IGFBP5: variants seen among roughly 807,000 people sequenced by gnomAD.
The protein encoded by IGFBP5 is insulin like growth factor binding protein 5, also known as insulin-like growth factor-binding protein 5.
IGFBP5 carries 12 observed loss-of-function variants against 28.0 expected under a neutral mutation model. That is an observed-to-expected ratio of 0.43 (90% CI 0.27 to 0.69). The LOEUF is 0.69. Among genes scored for constraint, IGFBP5 ranks in the 30% least tolerant of loss-of-function variants. The pLI is 0.20. For missense variants in IGFBP5, 344 were observed against 381.6 expected, an observed-to-expected ratio of 0.90 and a Z score of 0.82; for synonymous variants, 152 against 150.2, an observed-to-expected ratio of 1.01 and a Z score of -0.09.
rs555502196 is a variant in IGFBP5 at position 216,675,856 on chromosome 2, C to A, written c.*895G>T. On this transcript the variant is annotated 3_prime_UTR_variant, in exon 4 of 4. Coordinates refer to ENST00000233813, the MANE Select transcript of IGFBP5 (RefSeq NM_000599.4). Reference sequence around the variant, plus strand: ...ATCCTCCCCCACAGAGGCTGCTGCGCTACTTACAAATTGAATTAAATGAGG... The same window carrying A: ...ATCCTCCCCCACAGAGGCTGCTGCGATACTTACAAATTGAATTAAATGAGG... 3.9e-5 allele frequency: 6 copies of A among 151,954 alleles called. No individual in the cohort carries two copies. Among genetic ancestry groups the A allele is most frequent in the Admixed American group, 3.3e-4 (5 of 15,258 alleles). 9.4% of individuals were successfully genotyped at this position (151,954 alleles called of 1,614,324 possible). A position where few individuals can be genotyped will look rare whatever the true frequency, so the allele number is the denominator to read the frequency against.
intron 1 of IGFBP5, among the ~76,000 whole-genome samples, chr2:216,681,315 T>C (rs370401804): frequency 6.6e-6 from 1 of 152,124 alleles, no homozygotes; most frequent in Non-Finnish European, 1.5e-5. Flanking sequence ...ATATGGTGGC[T>C]ACTGAAAGCC....
At chr2:216,680,422 C>CT (rs1310802179) in intron 1 of IGFBP5, among the ~76,000 whole-genome samples, 1 of 152,084 alleles carries the variant, frequency 6.6e-6, no homozygotes, top group African/African-American at 2.4e-5. Flanking sequence ...GAAAGAGAAG[C>CT]TTTTTTGAGA....
intron 1 of IGFBP5, among the ~76,000 whole-genome samples, chr2:216,681,680 T>A (rs1688979585): frequency 6.6e-6 from 1 of 152,184 alleles, no homozygotes; most frequent in African/African-American, 2.4e-5. Flanking sequence ...TGGCTACCTG[T>A]TGGGGGAGGC....
intron 1 of IGFBP5, among the ~76,000 whole-genome samples, chr2:216,693,190 CA>C (rs1559189669): frequency 6.6e-6 from 1 of 151,158 alleles, no homozygotes; most frequent in Admixed American, 6.6e-5. Context: ...TAACTCTTTC[CA>C]AAAAGAAACT....
rs2106228297 is a variant in IGFBP5 at position 216,694,741 on chromosome 2, G to A, written c.35C>T (p.Ala12Val). Residue 12 changes from alanine to valine, a missense_variant, in exon 1 of 4, where the codon GCC becomes GTC. Ala to Val is a moderately conservative substitution (Grantham distance 64, BLOSUM62 0). This residue lies in a region of IGFBP5 where 304 missense variants were observed against 329.2 expected (regional missense o/e 0.92). Transcript: ENST00000233813. This position sits in a 1 kb window ranked among gnomAD's most constrained non-coding sequence, Gnocchi z 5.2. ...VLLTAVLLLLAAYAGPAQSLG... is the reference protein window; with the variant it reads ...VLLTAVLLLLVAYAGPAQSLG... ...GCTCTGGGCCGGCCCCGCATAGGCG[G>A]CCAGCAGCAGGAGGACCGCGGTGAG... 1.4e-6 allele frequency: 2 copies of A among 1,442,660 alleles called. No homozygotes were observed. The highest frequency in any genetic ancestry group is 1.8e-6 in the Non-Finnish European group (2 of 1,102,076). 89.4% of individuals were successfully genotyped at this position (1,442,660 alleles called of 1,614,324 possible). A position where few individuals can be genotyped will look rare whatever the true frequency, so the allele number is the denominator to read the frequency against.
chr2:216,688,401 G>A (rs1356885152), intron 1 of IGFBP5, among the ~76,000 whole-genome samples: 2 of 152,176 alleles, frequency 1.3e-5, no homozygotes, highest in Non-Finnish European at 2.9e-5. Flanking sequence ...TGAGCGTGTG[G>A]TGAAAGGATA....
At chr2:216,693,213 G>T (rs553842695) in intron 1 of IGFBP5, among the ~76,000 whole-genome samples, 73 of 151,996 alleles carry the variant, frequency 4.8e-4, no homozygotes, top group African/African-American at 1.4e-3. Flanking sequence ...AGTCTAAGGG[G>T]GTAGAACTGT....
chr2:216,685,098 A>G (rs1689019291), intron 1 of IGFBP5, among the ~76,000 whole-genome samples: 1 of 152,074 alleles, frequency 6.6e-6, no homozygotes, highest in Admixed American at 6.5e-5. Flanking sequence ...CCTGGCCAAC[A>G]TGGTAAAACC....
rs549562366 is a variant in IGFBP5, at chr2:216,672,322, CT to C, written c.*4428del. ...CAGGTGTTTTTTTTTTTTTTTTCGG[CT>C]TTTTTTTTTTTTTCTCACAAACTGG... On this transcript the variant is annotated 3_prime_UTR_variant, in exon 4 of 4. Transcript: ENST00000233813. 2,807 of 92,880 alleles carry C rather than the reference CT, an allele frequency of 0.03. 76 individuals are homozygous for C. Among genetic ancestry groups the C allele is most frequent in the African/African-American group, 0.097 (2,332 of 24,150 alleles). The allele number at this position is 92,880 out of a possible 1,614,324, so 5.8% of individuals were successfully genotyped here. A position where few individuals can be genotyped will look rare whatever the true frequency, so the allele number is the denominator to read the frequency against.
rs1689108646 is a variant in IGFBP5 at position 216,692,283 on chromosome 2, C to T, written c.337+2156G>A. Among the ~76,000 whole-genome samples, 1 of 151,638 alleles carries T rather than the reference C, an allele frequency of 6.6e-6. No individual in the cohort carries two copies. Among genetic ancestry groups the T allele is most frequent in the Admixed American group, 6.6e-5 (1 of 15,234 alleles). On this transcript the variant is annotated intron_variant, in intron 1 of 3. Coordinates refer to ENST00000233813, the MANE Select transcript of IGFBP5 (RefSeq NM_000599.4). This position sits in a 1 kb window ranked among gnomAD's most constrained non-coding sequence, Gnocchi z 4.2. ...GTAGAAGAGGCGGCTTCGGGTTGGC[C>T]CAAAGGCACTCAGAAGGTGGGGGTT...
rs993930880 is a variant in IGFBP5, at chr2:216,692,614, C to A, written c.337+1825G>T. On this transcript the variant is annotated intron_variant, in intron 1 of 3. Transcript: ENST00000233813. This position sits in a 1 kb window ranked among gnomAD's most constrained non-coding sequence, Gnocchi z 4.2. ...AATCAATTAATGTTTTCCTTCTCCG[C>A]TAGGCTTTTCCAAATCCACATCCCC... is the stretch of plus-strand genomic sequence containing the variant. 6.6e-6 allele frequency among the ~76,000 whole-genome samples: 1 copy of A among 152,166 alleles called. No homozygotes were observed. The highest frequency in any genetic ancestry group is 1.5e-5 in the Non-Finnish European group (1 of 68,028).
chr2:216,685,065 C>T (rs1689018847), intron 1 of IGFBP5, among the ~76,000 whole-genome samples: 1 of 152,072 alleles, frequency 6.6e-6, no homozygotes, highest in Admixed American at 6.5e-5. Context: ...GGTTGGATCA[C>T]AAGGTCAGGA....
rs1405257336 is a variant in IGFBP5 at position 216,675,635 on chromosome 2, A to G, written c.*1116T>C. ...ATGCTATTACGGGTTGTATTAGGAG[A>G]ATATGGGTTTTCTCAGTTTTCCCAG... On this transcript the variant is annotated 3_prime_UTR_variant, in exon 4 of 4. Transcript: ENST00000233813. 1 of 152,118 alleles carries G rather than the reference A, an allele frequency of 6.6e-6. No homozygotes were observed. The highest frequency in any genetic ancestry group is 2.4e-5 in the African/African-American group (1 of 41,430). The allele number at this position is 152,118 out of a possible 1,614,324, so 9.4% of individuals were successfully genotyped here.
chr2:216,694,551 G>T lies in IGFBP5; in HGVS notation c.225C>A (p.Ala75=), dbSNP rs749270984. Residue 75 remains alanine (A), a synonymous_variant, in exon 1 of 4, where the codon GCC becomes GCA. Coordinates refer to ENST00000233813, the MANE Select transcript of IGFBP5 (RefSeq NM_000599.4). This position sits in a 1 kb window ranked among gnomAD's most constrained non-coding sequence, Gnocchi z 5.2. ...QSCGVYTERC[A]QGLRCLPRQD... ...GCCGGGGGAGGCAGCGCAGCCCCTG[G>T]GCGCAGCGCTCGGTGTAGACGCCGC... is the stretch of plus-strand genomic sequence containing the variant. 1 of 1,568,928 alleles carries T rather than the reference G, an allele frequency of 6.4e-7. No homozygotes were observed.
chr2:216,676,748 G>A lies in IGFBP5; in HGVS notation c.*3C>T, dbSNP rs765946540. On this transcript the variant is annotated 3_prime_UTR_variant, in exon 4 of 4. Transcript: ENST00000233813. ...GGTGAGGGAAAGGTTGGGGGGGGAC[G>A]CATCACTCAACGTTGCTGCTGTCGA... The A allele has an allele frequency of 4.9e-5, 79 of 1,609,924 alleles. No individual in the cohort carries two copies. Among genetic ancestry groups the A allele is most frequent in the African/African-American group, 1.3e-5 (1 of 74,654 alleles).
chr2:216,677,342 T>TAATAAC (rs1389621063), intron 3 of IGFBP5, among the ~76,000 whole-genome samples: 3 of 152,158 alleles, frequency 2.0e-5, no homozygotes, highest in Non-Finnish European at 4.4e-5. Context: ...ATGGTAATAA[T>TAATAAC]AATAACAGAA....
intron 1 of IGFBP5, among the ~76,000 whole-genome samples, chr2:216,689,428 G>A (rs757292678): frequency 1.2e-3 from 176 of 152,358 alleles, no homozygotes; most frequent in Admixed American, 5.6e-3. Flanking sequence ...GAAAATAAGA[G>A]AGTGTGGCCC....
chr2:216,679,342 A>G lies in IGFBP5; in HGVS notation c.338-263T>C, dbSNP rs1202639709. ...GGCTTCACAGAGGAGGAGAATCGAG[A>G]GACTGACAGACTGATGGGTGAGGAC... On this transcript the variant is annotated intron_variant, in intron 1 of 3. Transcript: ENST00000233813. This position sits in a 1 kb window ranked among gnomAD's most constrained non-coding sequence, Gnocchi z 4.6. The G allele has an allele frequency of 3.8e-6, 2 of 519,554 alleles. No individual in the cohort carries two copies. The highest frequency in any genetic ancestry group is 3.8e-5 in the African/African-American group (2 of 52,064). The allele number at this position is 519,554 out of a possible 1,614,324, so 32.2% of individuals were successfully genotyped here.
At chr2:216,678,050 G>C (rs1439358897) in intron 3 of IGFBP5, 62 bp downstream of exon 3, 1 of 1,363,662 alleles carries the variant, frequency 7.3e-7, no homozygotes, top group Non-Finnish European at 9.6e-7. Flanking sequence ...CCAAGGTGGA[G>C]TTTCCTGGCA....
Sources: gnomAD v4.1 joint callset for allele counts (sites outside exome capture counted in the v4.1 genomes callset) on GRCh38, gnomAD v4.1.1 for gene constraint, gnomAD v4.1.1 regional missense constraint, Gnocchi (gnomAD v3.1) non-coding constraint, MANE v1.5 for transcripts, NCBI Gene and HGNC (gene_info 2026-07-23, HGNC 2026-07-21) for gene names.